The following KDM5D variants were observed in gnomAD, a reference collection of about 807,000 sequenced individuals.
The protein encoded by KDM5D is lysine demethylase 5D.
A neutral mutation model predicts 31.9 loss-of-function variants in KDM5D; 25 were observed. The ratio of observed to expected loss-of-function variants is 0.78; its 90% CI spans 0.57 to 1.09. The LOEUF is 1.09. Among genes scored for constraint, KDM5D ranks in the 50% least tolerant of loss-of-function variants. The pLI is 0.00. For missense variants in KDM5D, 366 were observed against 341.6 expected, an observed-to-expected ratio of 1.07 and a Z score of -0.56; for synonymous variants, 146 against 122.3, an observed-to-expected ratio of 1.19 and a Z score of -1.28.
At chrY:19,741,560 T>C in intron 4 of KDM5D, 72 bp from the exon 5 acceptor site, 1 of 260,283 alleles carries the variant, frequency 3.8e-6, no homozygotes, top group East Asian at 1.0e-4. Flanking sequence ...ACAATGAGAC[T>C]TGAATATGGG....
At position 19,732,083 on chromosome Y, in the gene KDM5D, T is replaced by A; in HGVS notation, c.1175A>T (p.Asp392Val). 2.5e-6 allele frequency: 1 copy of A among 397,020 alleles called. No individual in the cohort carries two copies. The highest frequency in any genetic ancestry group is 3.5e-6 in the Non-Finnish European group (1 of 282,156). The change falls in exon 10 of 27, where the codon GAT becomes GTT. Residue 392 changes from aspartate (D) to valine (V), a missense_variant. Asp to Val is a radical substitution (Grantham distance 152). Coordinates refer to ENST00000317961, the MANE Select transcript of KDM5D (RefSeq NM_004653.5). ...YSLQSFGEMA[D>V]SFKSDYFNMP... is the part of the protein sequence containing the mutation. The stretch of plus-strand genomic sequence containing the variant: ...GTTGAAGTAGTCGGACTTGAAGGAA[T>A]CAGCCATTTCACCAAAACTCTGCAA...
At chrY:19,735,773 A>G in intron 6 of KDM5D, 23 bp from the exon 7 acceptor site, 1 of 340,592 alleles carries the variant, frequency 2.9e-6, no homozygotes, top group Middle Eastern at 6.5e-4. Context: ...AGATTCAAAC[A>G]ACGAAGTTAG....
chrY:19,706,007 C>A lies in KDM5D; in HGVS notation c.4608G>T (p.Glu1536Asp). 2.6e-6 allele frequency: 1 copy of A among 388,471 alleles called. No homozygotes were observed. The highest frequency in any genetic ancestry group is 3.6e-6 in the Non-Finnish European group (1 of 274,425). Residue 1536 changes from glutamate (E) to aspartate (D), a missense_variant, in exon 27 of 27, where the codon GAG becomes GAT. By Grantham distance (45) the Glu-to-Asp change is conservative. Transcript: ENST00000317961. The part of the protein sequence containing the change: ...MPLLQLSYSD[E>D]QQL ...TTTGGTGCCACTGTCACAACTGTTG[C>A]TCATCAGAGTAGGAGAGTTGTAGCA...
At chrY:19,727,470 T>G in intron 11 of KDM5D, among the ~76,000 whole-genome samples, 1 of 33,758 alleles carries the variant, frequency 3.0e-5, no homozygotes, top group African/African-American at 1.2e-4. Flanking sequence ...TCCTTAACAT[T>G]AAACAGAAAC....
intron 5 of KDM5D, among the ~76,000 whole-genome samples, chrY:19,741,010 A>C: frequency 3.0e-5 from 1 of 33,392 alleles, no homozygotes; most frequent in Non-Finnish European, 7.4e-5. Flanking sequence ...TTCATGTAAG[A>C]TACTTAAAAT....
chrY:19,730,424 G>A, intron 11 of KDM5D, among the ~76,000 whole-genome samples: 1 of 32,901 alleles, frequency 3.0e-5, no homozygotes, highest in Non-Finnish European at 7.5e-5. Context: ...GCTTTATACC[G>A]ACAAAAGGAC....
intron 18 of KDM5D, chrY:19,710,678 C>A: frequency 7.4e-6 from 1 of 134,907 alleles, no homozygotes; most frequent in Non-Finnish European, 1.4e-5. Context: ...GTCAGAGAGT[C>A]CAGCTTCCTG....
At chrY:19,709,429 A>T (rs1370574766) in intron 20 of KDM5D, 22 bp downstream of exon 20, 1 of 397,923 alleles carries the variant, frequency 2.5e-6, no homozygotes, top group Admixed American at 7.4e-5. Flanking sequence ...CAAGATACAG[A>T]CAGGGAGAGA....
chrY:19,706,882 G>A lies in KDM5D; in HGVS notation c.4000-19C>T. The A allele has an allele frequency of 7.9e-6, 3 of 379,046 alleles. No homozygotes were observed. The highest frequency in any genetic ancestry group is 1.1e-5 in the Non-Finnish European group (3 of 265,619). The allele number at this position is 379,046 out of a possible 400,897, so 94.5% of individuals were successfully genotyped here. On this transcript the variant is annotated intron_variant, in intron 24 of 26. Transcript: ENST00000317961. The stretch of plus-strand genomic sequence containing the variant: ...CTTGGACCTATCGGAAAAAAAGAAT[G>A]GGTAACAATAATTGAGCTGATGAAC...
At chrY:19,733,429 A>G (rs2045486258) in intron 8 of KDM5D, among the ~76,000 whole-genome samples, 1 of 32,283 alleles carries the variant, frequency 3.1e-5, no homozygotes, top group Non-Finnish European at 7.6e-5. Context: ...AGCAGAAGAA[A>G]CTGTGTGAAA....
Position 19,730,686 on chromosome Y carries a change from C to T in KDM5D, c.1371+1086G>A, listed in dbSNP as rs2032640. On this transcript the variant is annotated intron_variant, in intron 11 of 26. Transcript: ENST00000317961. ...GAGGTAAATTTTGTCCTTTTTTGAACGTCATAGAGTATACTCACACAAACC... is the reference window on the plus strand; with the variant it reads ...GAGGTAAATTTTGTCCTTTTTTGAATGTCATAGAGTATACTCACACAAACC... Among the ~76,000 whole-genome samples, 197 of 30,137 alleles carry T rather than the reference C, an allele frequency of 6.5e-3. No homozygotes were observed. The Middle Eastern group carries it at 0.22, about 34-fold the overall frequency. 80.9% of individuals were successfully genotyped at this position (30,137 alleles called of 37,273 possible).
intron 13 of KDM5D, among the ~76,000 whole-genome samples, chrY:19,718,548 G>A: frequency 2.9e-5 from 1 of 34,164 alleles, no homozygotes; most frequent in Admixed American, 2.6e-4. Context: ...GGATGAATGA[G>A]AAATAAATTG....
At chrY:19,726,848 GA>G (rs2045438238) in intron 11 of KDM5D, among the ~76,000 whole-genome samples, 1 of 32,314 alleles carries the variant, frequency 3.1e-5, no homozygotes, top group African/African-American at 1.2e-4. Context: ...GAATATATTT[GA>G]AAAAAATTCC....
At chrY:19,729,820 T>C (rs2045460059) in intron 11 of KDM5D, among the ~76,000 whole-genome samples, 1 of 33,752 alleles carries the variant, frequency 3.0e-5, no homozygotes, top group Non-Finnish European at 7.4e-5. Context: ...GAACATATCA[T>C]ACCCACAAAA....
intron 6 of KDM5D, among the ~76,000 whole-genome samples, chrY:19,736,747 C>A: frequency 3.0e-5 from 1 of 32,827 alleles, no homozygotes; most frequent in Admixed American, 2.8e-4. Flanking sequence ...CTAAACTAAA[C>A]TATACCTTTA....
intron 18 of KDM5D, among the ~76,000 whole-genome samples, chrY:19,710,782 A>C (rs2045292461): frequency 3.0e-5 from 1 of 33,523 alleles, no homozygotes; most frequent in Non-Finnish European, 7.3e-5. Context: ...ACAGAAGAAC[A>C]GAAATAAATA....
At chrY:19,724,777 GTC>G (rs2045418097) in intron 11 of KDM5D, among the ~76,000 whole-genome samples, 2 of 33,151 alleles carry the variant, frequency 6.0e-5, no homozygotes, top group Non-Finnish European at 1.5e-4. Context: ...AAGTCAAATT[GTC>G]TCTGTTTGCA....
intron 3 of KDM5D, among the ~76,000 whole-genome samples, chrY:19,742,584 G>C: frequency 2.9e-5 from 1 of 34,367 alleles, no homozygotes; most frequent in African/African-American, 1.1e-4. Context: ...CAGCACTTTA[G>C]GAGGCCAAGG....
intron 8 of KDM5D, among the ~76,000 whole-genome samples, chrY:19,734,163 T>C (rs753025315): frequency 8.0e-4 from 27 of 33,737 alleles, no homozygotes; most frequent in African/African-American, 3.1e-3. Flanking sequence ...AGTGAAAATA[T>C]ACATAGTCTC....
Sources: gnomAD v4.1 joint callset for allele counts (sites outside exome capture counted in the v4.1 genomes callset) on GRCh38, gnomAD v4.1.1 for gene constraint, MANE v1.5 for transcripts, NCBI Gene and HGNC (gene_info 2026-07-23, HGNC 2026-07-21) for gene names.